The following GNA13 variants were observed in gnomAD, a reference collection of about 807,000 sequenced individuals.
The protein encoded by GNA13 is G protein subunit alpha 13.
Under a neutral mutation model 33.5 loss-of-function variants are expected in GNA13, and 4 were observed. That is an observed-to-expected ratio of 0.12 (90% CI 0.06 to 0.27). GNA13 has a LOEUF of 0.27. Ranked by LOEUF, GNA13 falls within the 10% of genes least tolerant of loss-of-function variation. The pLI is 1.00. For missense variants in GNA13, 319 were observed against 487.2 expected (o/e 0.65, Z 3.25); for synonymous variants, 176 against 183.8 (o/e 0.96, Z 0.34).
intron 2 of GNA13, among the ~76,000 whole-genome samples, chr17:65,032,531 T>C (rs1225503031): frequency 1.3e-5 from 2 of 152,198 alleles, no homozygotes; most frequent in Admixed American, 6.5e-5. Context: ...CTACCTCTTA[T>C]CCTAGGTCTT....
intron 2 of GNA13, among the ~76,000 whole-genome samples, chr17:65,025,774 G>A (rs1294926800): frequency 6.7e-6 from 1 of 149,574 alleles, no homozygotes; most frequent in African/African-American, 2.5e-5. Context: ...GAGCCCAGGA[G>A]TTCGAGACCC....
intron 2 of GNA13, among the ~76,000 whole-genome samples, chr17:65,048,204 T>G (rs914250615): frequency 2.6e-5 from 4 of 152,204 alleles, no homozygotes; most frequent in African/African-American, 9.6e-5. Flanking sequence ...AAGTGTTGCC[T>G]TATTTCTCAA....
chr17:65,018,184 C>CCTAACAT (rs1906453241), intron 3 of GNA13, 69 bp downstream of exon 3: 1 of 565,168 alleles, frequency 1.8e-6, no homozygotes, highest in African/African-American at 2.1e-5. Context: ...TTCTAAATTT[C>CCTAACAT]CTAACATCGA....
chr17:65,042,321 C>T (rs956629018), intron 2 of GNA13, among the ~76,000 whole-genome samples: 8 of 147,380 alleles, frequency 5.4e-5, no homozygotes, highest in African/African-American at 2.0e-4. Flanking sequence ...TCAGCCATTG[C>T]ACTCCAGCCT....
intron 2 of GNA13, among the ~76,000 whole-genome samples, chr17:65,022,923 A>C (rs1038681723): frequency 3.3e-5 from 5 of 152,216 alleles, no homozygotes; most frequent in African/African-American, 1.2e-4. Flanking sequence ...ATCAACTGTC[A>C]ATTAAGAAAC....
chr17:65,015,874 TC>T, intron 3 of GNA13, among the ~76,000 whole-genome samples: 1 of 152,304 alleles, frequency 6.6e-6, no homozygotes, highest in East Asian at 1.9e-4. Context: ...ATAATTAATT[TC>T]TTACTTATTG....
At position 65,053,493 on chromosome 17, in the gene GNA13, A is replaced by G. The variant is rs750140688; in HGVS notation, c.510+9T>C. 2 of 1,525,222 alleles carry G rather than the reference A, an allele frequency of 1.3e-6. No individual in the cohort carries two copies. The highest frequency in any genetic ancestry group is 2.2e-5 in the East Asian group (1 of 44,494). The allele number at this position is 1,525,222 out of a possible 1,614,324, so 94.5% of individuals were successfully genotyped here. Reference sequence around the variant, plus strand: ...AAAACCACACGTTTTAAAAGAGCAAATCTCTTACCAGTTGAAATTCTCGAC... The same window carrying G: ...AAAACCACACGTTTTAAAAGAGCAAGTCTCTTACCAGTTGAAATTCTCGAC... On this transcript the variant is annotated intron_variant, in intron 2 of 3. Coordinates refer to ENST00000439174, the MANE Select transcript of GNA13 (RefSeq NM_006572.6).
intron 2 of GNA13, among the ~76,000 whole-genome samples, chr17:65,048,013 G>T (rs905697856): frequency 1.3e-5 from 2 of 152,030 alleles, no homozygotes; most frequent in Admixed American, 6.6e-5. Flanking sequence ...AAAAAGAAAA[G>T]AATTAAGTCT....
At chr17:65,030,046 G>T (rs138153396) in intron 2 of GNA13, among the ~76,000 whole-genome samples, 1 of 152,118 alleles carries the variant, frequency 6.6e-6, no homozygotes, top group Non-Finnish European at 1.5e-5. Context: ...GCAGTGGTAC[G>T]GGAAGATGCT....
intron 3 of GNA13, among the ~76,000 whole-genome samples, 157 bp downstream of exon 3, chr17:65,018,096 A>G (rs1007384390): frequency 2.7e-3 from 27 of 9,918 alleles, no homozygotes; most frequent in African/African-American, 6.6e-3. Flanking sequence ...CACCACTAAA[A>G]AAAAAAAAAA....
rs774259251 is a variant in GNA13 at position 65,013,857 on chromosome 17, T to C, written c.*400A>G. ...TGCTATATGTAAGGCGGACAGAAGATATCTTGTTTTGGAACTGAATATTCC... is the reference window on the plus strand; with the variant it reads ...TGCTATATGTAAGGCGGACAGAAGACATCTTGTTTTGGAACTGAATATTCC... On this transcript the variant is annotated 3_prime_UTR_variant, in exon 4 of 4. Transcript: ENST00000439174. 9 of 235,542 alleles carry C rather than the reference T, an allele frequency of 3.8e-5. No homozygotes were observed. The highest frequency in any genetic ancestry group is 7.6e-5 in the Non-Finnish European group (9 of 118,558). 14.6% of individuals were successfully genotyped at this position (235,542 alleles called of 1,614,324 possible).
At chr17:65,016,792 G>C (rs898674480) in intron 3 of GNA13, among the ~76,000 whole-genome samples, 21 of 152,176 alleles carry the variant, frequency 1.4e-4, no homozygotes, top group African/African-American at 4.8e-4. Context: ...ATACACGCCT[G>C]CTTTATTTAT....
chr17:65,025,066 G>A (rs1906723305), intron 2 of GNA13, among the ~76,000 whole-genome samples: 1 of 151,944 alleles, frequency 6.6e-6, no homozygotes, highest in Non-Finnish European at 1.5e-5. Flanking sequence ...CTGGCTAATT[G>A]TTTGTATTTT....
chr17:65,032,419 C>CA (rs1398155613), intron 2 of GNA13, among the ~76,000 whole-genome samples: 1 of 152,122 alleles, frequency 6.6e-6, no homozygotes, highest in East Asian at 1.9e-4. Context: ...ACAGTAAATA[C>CA]AAAACCAGGC....
chr17:65,025,726 TC>T (rs1393684591), intron 2 of GNA13, among the ~76,000 whole-genome samples: 1 of 149,598 alleles, frequency 6.7e-6, no homozygotes, highest in East Asian at 2.0e-4. Context: ...ATGCCTGTAA[TC>T]CCAGCACTTT....
At chr17:65,031,909 AGAGAGAGAGAGAGT>A (rs1204923319) in intron 2 of GNA13, among the ~76,000 whole-genome samples, 2 of 141,250 alleles carry the variant, frequency 1.4e-5, no homozygotes, top group African/African-American at 6.0e-5. Flanking sequence ...AGAGAGAGAG[AGAGAGAGAGAGAGT>A]GTGTGTGTGT....
Position 65,014,146 on chromosome 17 carries a change from G to T in GNA13, c.*111C>A. On this transcript the variant is annotated 3_prime_UTR_variant, in exon 4 of 4. Transcript: ENST00000439174. This position sits in a 1 kb window ranked among gnomAD's most constrained non-coding sequence, Gnocchi z 5.3. ...TACTAAGATTTTCAAGAAGTTAAAC[G>T]TAGAATTAAGATTGTTCTAATTCTG... The T allele has an allele frequency of 1.5e-6, 1 of 661,840 alleles. No individual in the cohort carries two copies. Among genetic ancestry groups the T allele is most frequent in the East Asian group, 2.7e-5 (1 of 37,238 alleles). 41.0% of individuals were successfully genotyped at this position (661,840 alleles called of 1,614,324 possible). A position where few individuals can be genotyped will look rare whatever the true frequency, so the allele number is the denominator to read the frequency against.
rs1906253118 is a variant in GNA13, at chr17:65,013,255, T to G, written c.*1002A>C. The G allele has an allele frequency of 4.8e-6, 1 of 208,868 alleles. No homozygotes were observed. Among genetic ancestry groups the G allele is most frequent in the Admixed American group, 5.9e-5 (1 of 16,926 alleles). 12.9% of individuals were successfully genotyped at this position (208,868 alleles called of 1,614,324 possible). A position where few individuals can be genotyped will look rare whatever the true frequency, so the allele number is the denominator to read the frequency against. On this transcript the variant is annotated 3_prime_UTR_variant, in exon 4 of 4. Transcript: ENST00000439174. ...CAAATAAACAAAACGATGCCACAAA[T>G]GGCACAGTGTGGAGTTGATGGGACT...
intron 1 of GNA13, among the ~76,000 whole-genome samples, chr17:65,054,777 AT>A (rs1450976893): frequency 6.6e-6 from 1 of 152,238 alleles, no homozygotes; most frequent in Non-Finnish European, 1.5e-5. Context: ...TGTTGATGCT[AT>A]TCATTAACAT....
Sources: gnomAD v4.1 joint callset for allele counts (sites outside exome capture counted in the v4.1 genomes callset) on GRCh38, gnomAD v4.1.1 for gene constraint, Gnocchi (gnomAD v3.1) non-coding constraint, MANE v1.5 for transcripts, NCBI Gene and HGNC (gene_info 2026-07-23, HGNC 2026-07-21) for gene names.